The following NRXN1 variants were observed in gnomAD, a reference collection of about 807,000 sequenced individuals.
NRXN1 encodes neurexin 1.
In NRXN1, 39 loss-of-function variants were observed where a neutral mutation model predicts 150.9. The observed-to-expected ratio is 0.26, with a 90% confidence interval of 0.20 to 0.34. The LOEUF is 0.34. Among genes scored for constraint, NRXN1 ranks in the 10% least tolerant of loss-of-function variants. NRXN1 has a pLI of 1.00. For missense variants in NRXN1, 1,815 were observed against 1,949.9 expected (o/e 0.93, Z 1.30); for synonymous variants, 924 against 757.0 (o/e 1.22, Z -3.62).
chr2:49,969,514 G>GC (rs1237625674), intron 21 of NRXN1, among the ~76,000 whole-genome samples: 1 of 151,526 alleles, frequency 6.6e-6, no homozygotes, highest in Admixed American at 6.6e-5. Flanking sequence ...CATAATGGCA[G>GC]CCTTAGTTTT....
intron 2 of NRXN1, among the ~76,000 whole-genome samples, chr2:51,011,857 C>A (rs1461299641): frequency 6.6e-6 from 1 of 151,906 alleles, no homozygotes; most frequent in Admixed American, 6.6e-5. Context: ...AGGAGCAATG[C>A]CTGAGATTGG....
intron 2 of NRXN1, among the ~76,000 whole-genome samples, chr2:50,955,411 A>T (rs1291630264): frequency 6.6e-6 from 1 of 152,244 alleles, no homozygotes; most frequent in Non-Finnish European, 1.5e-5. Flanking sequence ...TAATGCAATG[A>T]TCCATTTAGC....
intron 5 of NRXN1, among the ~76,000 whole-genome samples, chr2:50,693,840 G>C (rs988329096): frequency 1.3e-5 from 2 of 152,178 alleles, no homozygotes; most frequent in Non-Finnish European, 2.9e-5. Flanking sequence ...TGTCCAGGCT[G>C]AAGTGCAGTG....
At chr2:50,490,891 A>G (rs185742378) in intron 15 of NRXN1, among the ~76,000 whole-genome samples, 1 of 152,056 alleles carries the variant, frequency 6.6e-6, no homozygotes, top group African/African-American at 2.4e-5. Flanking sequence ...TTCCTACTGG[A>G]TCCTTAAAAT....
At chr2:50,269,555 A>G (rs965358920) in intron 17 of NRXN1, among the ~76,000 whole-genome samples, 1 of 152,206 alleles carries the variant, frequency 6.6e-6, no homozygotes, top group Non-Finnish European at 1.5e-5. Flanking sequence ...AAACATGTCA[A>G]CATATCTCCA....
At chr2:50,071,006 A>C (rs979611100) in intron 19 of NRXN1, among the ~76,000 whole-genome samples, 1 of 152,204 alleles carries the variant, frequency 6.6e-6, no homozygotes, top group Non-Finnish European at 1.5e-5. Context: ...AATGAAGACA[A>C]GATAAAAACT....
At chr2:50,540,598 A>C (rs2093366270) in intron 9 of NRXN1, among the ~76,000 whole-genome samples, 1 of 152,108 alleles carries the variant, frequency 6.6e-6, no homozygotes, top group Admixed American at 6.5e-5. Context: ...AAAGGTGGAC[A>C]CTTTAAAAAG....
chr2:50,414,602 G>C (rs2083410807), intron 17 of NRXN1, among the ~76,000 whole-genome samples: 1 of 151,584 alleles, frequency 6.6e-6, no homozygotes, highest in Non-Finnish European at 1.5e-5. Context: ...TTAAGGTTTT[G>C]GACACTACTA....
rs961970839 is a variant in NRXN1 at position 50,163,008 on chromosome 2, A to G, written c.3547-71514T>C. On this transcript the variant is annotated intron_variant, in intron 18 of 22. Coordinates refer to ENST00000401669, the MANE Select transcript of NRXN1 (RefSeq NM_001330078.2). Reference sequence around the variant, plus strand: ...GTGTTCTACTTTGCTTGTTTTCCAAAGTCTCTGGAGATATTCTTGTAAGAC... The same window carrying G: ...GTGTTCTACTTTGCTTGTTTTCCAAGGTCTCTGGAGATATTCTTGTAAGAC... Among the ~76,000 whole-genome samples, 7 of 151,938 alleles carry G rather than the reference A, an allele frequency of 4.6e-5. No homozygotes were observed. In the East Asian group the frequency reaches 1.4e-3, roughly 29 times the overall value.
intron 5 of NRXN1, among the ~76,000 whole-genome samples, chr2:50,782,406 T>A (rs894450354): frequency 6.6e-6 from 1 of 151,748 alleles, no homozygotes; most frequent in Non-Finnish European, 1.5e-5. Flanking sequence ...GGAAAAGGGG[T>A]TGCAGTGAGC....
intron 5 of NRXN1, among the ~76,000 whole-genome samples, chr2:50,873,762 A>C (rs147009030): frequency 6.6e-6 from 1 of 151,992 alleles, no homozygotes; most frequent in East Asian, 2.0e-4. Context: ...TGTACATTGA[A>C]AATAACCTCA....
chr2:50,060,905 AGC>A (rs1480377843), intron 19 of NRXN1, among the ~76,000 whole-genome samples: 2,030 of 152,282 alleles, frequency 0.013, 46 homozygotes, highest in African/African-American at 0.046. Context: ...ATTTCTTCAA[AGC>A]AGTATGAAAA....
intron 21 of NRXN1, among the ~76,000 whole-genome samples, chr2:50,051,992 A>G (rs1692786932): frequency 6.6e-6 from 1 of 151,952 alleles, no homozygotes; most frequent in Admixed American, 6.6e-5. Flanking sequence ...CATTTTTTGT[A>G]TTTTTTGCCC....
intron 17 of NRXN1, among the ~76,000 whole-genome samples, chr2:50,261,092 A>C (rs1291529101): frequency 6.6e-6 from 1 of 151,754 alleles, no homozygotes; most frequent in African/African-American, 2.4e-5. Context: ...TGTAGAGACA[A>C]CCAGACTGCT....
rs528157281 is a variant in NRXN1 at position 50,497,220 on chromosome 2, C to T, written c.2879+113G>A. On this transcript the variant is annotated intron_variant, in intron 14 of 22. Transcript: ENST00000401669. ...TGCCTTCTTATTTGTCCTCCACCTG[C>T]TCCGGCCCACCACCTTATGAGCCAG... 3 of 702,356 alleles carry T rather than the reference C, an allele frequency of 4.3e-6. No individual in the cohort carries two copies. In the East Asian group the frequency reaches 8.3e-5, roughly 19 times the overall value. 43.5% of individuals were successfully genotyped at this position (702,356 alleles called of 1,614,324 possible). A position where few individuals can be genotyped will look rare whatever the true frequency, so the allele number is the denominator to read the frequency against.
chr2:50,762,587 C>G (rs769814852), intron 5 of NRXN1, among the ~76,000 whole-genome samples: 1 of 151,786 alleles, frequency 6.6e-6, no homozygotes, highest in Non-Finnish European at 1.5e-5. Context: ...TGGGAACATA[C>G]GGTATTTGGT....
At chr2:50,841,618 C>A (rs1227968253) in intron 5 of NRXN1, among the ~76,000 whole-genome samples, 2 of 152,114 alleles carry the variant, frequency 1.3e-5, no homozygotes, top group African/African-American at 4.8e-5. Flanking sequence ...TTGTTTCTGG[C>A]AAGACAAATG....
chr2:50,078,299 T>G (rs2152680090), intron 19 of NRXN1, among the ~76,000 whole-genome samples: 1 of 152,162 alleles, frequency 6.6e-6, no homozygotes, highest in Non-Finnish European at 1.5e-5. Context: ...TATGTTTAAT[T>G]ATTTTTTTCT....
chr2:51,021,491 G>T (rs1256315291), intron 2 of NRXN1, among the ~76,000 whole-genome samples: 3 of 151,804 alleles, frequency 2.0e-5, no homozygotes, highest in Non-Finnish European at 4.4e-5. Flanking sequence ...TATACTTTTA[G>T]TAATCAATTT....
Sources: allele counts gnomAD v4.1 joint callset (sites outside exome capture counted in the v4.1 genomes callset), GRCh38; gene constraint gnomAD v4.1.1; transcripts MANE v1.5; gene names NCBI Gene and HGNC (gene_info 2026-07-23, HGNC 2026-07-21).